Variants in CTNNA3 observed in about 807,000 individuals in gnomAD.
CTNNA3 encodes the protein catenin alpha 3.
Under a neutral mutation model 95.7 loss-of-function variants are expected in CTNNA3, and 76 were observed. The ratio of observed to expected loss-of-function variants is 0.79; its 90% confidence interval spans 0.66 to 0.96. CTNNA3 has a LOEUF of 0.96. Among genes scored for constraint, CTNNA3 ranks in the 40% least tolerant of loss-of-function variants. CTNNA3 has a pLI of 0.00. For synonymous variants in CTNNA3, 431 were observed against 374.4 expected, an observed-to-expected ratio of 1.15 and a Z score of -1.74; for missense variants, 1,191 against 1,089.8, an observed-to-expected ratio of 1.09 and a Z score of -1.31.
intron 7 of CTNNA3, among the ~76,000 whole-genome samples, chr10:66,923,631 T>C (rs1196701219): frequency 6.6e-6 from 1 of 152,262 alleles, no homozygotes; most frequent in Non-Finnish European, 1.5e-5. Flanking sequence ...TCATGAAATT[T>C]GTAGTTTAAC....
Position 67,606,093 on chromosome 10 carries a change from T to C in CTNNA3, c.292+764A>G, listed in dbSNP as rs189892750. 9.3e-4 allele frequency among the ~76,000 whole-genome samples: 142 copies of C among 152,350 alleles called. 1 individual carries two copies. The highest frequency in any genetic ancestry group is 3.3e-3 in the African/African-American group (137 of 41,578). On this transcript the variant is annotated intron_variant, in intron 3 of 17. Coordinates refer to ENST00000433211, the MANE Select transcript of CTNNA3 (RefSeq NM_013266.4). ...ATTTTCTTAAAGTTACGTTGGGGGA[T>C]TGAGGGAGAAAAATATTTAAAAATC...
At chr10:66,501,066 C>A (rs1214495351) in intron 11 of CTNNA3, among the ~76,000 whole-genome samples, 4 of 152,146 alleles carry the variant, frequency 2.6e-5, no homozygotes, top group African/African-American at 9.6e-5. Flanking sequence ...CAAGCATTTG[C>A]AAAATTATTT....
chr10:67,472,568 G>C (rs904942544), intron 5 of CTNNA3, among the ~76,000 whole-genome samples: 1 of 152,120 alleles, frequency 6.6e-6, no homozygotes, highest in Non-Finnish European at 1.5e-5. Context: ...TGTATGGTCT[G>C]GATAGGGGAG....
In CTNNA3 at chr10:67,233,208, A is replaced by AT. The variant is rs772380894; in HGVS notation, c.580-13339dup. ...TCCACCCCAAATCGACAGAATATACATTTTTTTCAGCACCACACCACACCT... is the reference window on the plus strand; with the variant it reads ...TCCACCCCAAATCGACAGAATATACATTTTTTTTCAGCACCACACCACACCT... On this transcript the variant is annotated intron_variant, in intron 5 of 17. Coordinates refer to ENST00000433211, the MANE Select transcript of CTNNA3 (RefSeq NM_013266.4). Among the ~76,000 whole-genome samples the AT allele has an allele frequency of 8.9e-3, 1,009 of 113,832 alleles. 2 individuals are homozygous for AT. Among genetic ancestry groups the AT allele is most frequent in the Non-Finnish European group, 0.014 (717 of 52,190 alleles). The allele number at this position is 113,832 out of a possible 152,430, so 74.7% of individuals were successfully genotyped here. A position where few individuals can be genotyped will look rare whatever the true frequency, so the allele number is the denominator to read the frequency against.
intron 12 of CTNNA3, among the ~76,000 whole-genome samples, chr10:66,286,371 A>C (rs1012452532): frequency 2.6e-5 from 4 of 151,910 alleles, no homozygotes; most frequent in Non-Finnish European, 4.4e-5. Context: ...GATTACTTTG[A>C]TTTTTTAAAA....
intron 12 of CTNNA3, among the ~76,000 whole-genome samples, chr10:66,309,459 A>G (rs535526971): frequency 5.9e-4 from 90 of 151,864 alleles, no homozygotes; most frequent in Non-Finnish European, 1.0e-3. Context: ...TTGGGAGGCC[A>G]AGGCGGGCAG....
At chr10:67,435,154 C>T (rs942671371) in intron 5 of CTNNA3, among the ~76,000 whole-genome samples, 1 of 151,914 alleles carries the variant, frequency 6.6e-6, no homozygotes, top group East Asian at 1.9e-4. Flanking sequence ...ATAAAGGTTT[C>T]TTTTTCTATT....
chr10:67,527,829 T>G (rs1216384884), intron 4 of CTNNA3, among the ~76,000 whole-genome samples: 1 of 152,194 alleles, frequency 6.6e-6, no homozygotes, highest in African/African-American at 2.4e-5. Context: ...AGAATTTTGC[T>G]TGTTGATTTT....
At chr10:66,702,394 A>C (rs1847974010) in intron 9 of CTNNA3, among the ~76,000 whole-genome samples, 1 of 152,058 alleles carries the variant, frequency 6.6e-6, no homozygotes, top group Admixed American at 6.6e-5. Flanking sequence ...GCTTTTAAAA[A>C]TGTTTCCTTC....
intron 1 of CTNNA3, among the ~76,000 whole-genome samples, chr10:67,726,151 T>A (rs1434975763): frequency 1.9e-5 from 2 of 103,596 alleles, no homozygotes; most frequent in Non-Finnish European, 3.4e-5. Flanking sequence ...TATTATATAT[T>A]ATAATATATA....
At chr10:66,628,013 C>A (rs1333955572) in intron 9 of CTNNA3, among the ~76,000 whole-genome samples, 1 of 152,060 alleles carries the variant, frequency 6.6e-6, no homozygotes, top group East Asian at 1.9e-4. Flanking sequence ...TTTATCTTCC[C>A]ACACTCTCGC....
rs563560784 is a variant in CTNNA3, at chr10:67,164,111, A to G, written c.1047+16206T>C. On this transcript the variant is annotated intron_variant, in intron 7 of 17. Coordinates refer to ENST00000433211, the MANE Select transcript of CTNNA3 (RefSeq NM_013266.4). ...TAAGAAAAAAATTTTAGACATTAAA[A>G]ATTATTGTAAAATATACATGGAATG... is the stretch of plus-strand genomic sequence containing the variant. Among the ~76,000 whole-genome samples the G allele has an allele frequency of 5.3e-5, 8 of 152,074 alleles. 1 individual carries two copies. The South Asian group carries it at 1.5e-3, about 28-fold the overall frequency.
intron 7 of CTNNA3, among the ~76,000 whole-genome samples, chr10:67,063,728 T>C (rs1855898670): frequency 6.6e-6 from 1 of 152,258 alleles, no homozygotes; most frequent in African/African-American, 2.4e-5. Flanking sequence ...GAGGGTTACT[T>C]GTACTCTATA....
chr10:67,514,303 T>TA (rs1839738379), intron 5 of CTNNA3, among the ~76,000 whole-genome samples: 1 of 152,048 alleles, frequency 6.6e-6, no homozygotes, highest in Admixed American at 6.6e-5. Flanking sequence ...GTCTCAAACA[T>TA]AAAAAATAAA....
chr10:67,025,929 TA>T (rs1422520940), intron 7 of CTNNA3, among the ~76,000 whole-genome samples: 1 of 148,330 alleles, frequency 6.7e-6, no homozygotes, highest in East Asian at 1.9e-4. Flanking sequence ...TATGCAGCCA[TA>T]AAAAATGATG....
chr10:66,480,367 C>CT (rs143323418), intron 11 of CTNNA3, among the ~76,000 whole-genome samples: 9,400 of 152,162 alleles, frequency 0.062, 607 homozygotes, highest in African/African-American at 0.16. Flanking sequence ...TATTTGCTAA[C>CT]TTGATGTTCC....
In CTNNA3 at chr10:66,144,497, T is replaced by A. The variant is rs551061827; in HGVS notation, c.1885-41248A>T. 1.2e-3 allele frequency among the ~76,000 whole-genome samples: 190 copies of A among 152,026 alleles called. 4 individuals carry two copies. Among genetic ancestry groups the A allele is most frequent in the East Asian group, 2.9e-3 (15 of 5,186 alleles). ...TTAATTTATATTTATTTATTTATTTTTTTTTTTGAGACAGAGTTTCGCTCG... is the reference window on the plus strand; with the variant it reads ...TTAATTTATATTTATTTATTTATTTATTTTTTTGAGACAGAGTTTCGCTCG... On this transcript the variant is annotated intron_variant, in intron 13 of 17. Coordinates refer to ENST00000433211, the MANE Select transcript of CTNNA3 (RefSeq NM_013266.4).
At chr10:67,437,519 A>T (rs1487776835) in intron 5 of CTNNA3, among the ~76,000 whole-genome samples, 3 of 152,150 alleles carry the variant, frequency 2.0e-5, no homozygotes, top group Admixed American at 1.3e-4. Flanking sequence ...AATAAAATTT[A>T]AAAATATAAA....
chr10:67,160,285 G>A (rs557492217), intron 7 of CTNNA3, among the ~76,000 whole-genome samples: 1 of 152,222 alleles, frequency 6.6e-6, no homozygotes, highest in Admixed American at 6.5e-5. Flanking sequence ...GTAAAATGAT[G>A]TCACAGCTAT....
Sources: gnomAD v4.1 joint callset for allele counts (sites outside exome capture counted in the v4.1 genomes callset) on GRCh38, gnomAD v4.1.1 for gene constraint, MANE v1.5 for transcripts, NCBI Gene and HGNC (gene_info 2026-07-23, HGNC 2026-07-21) for gene names.